The following CAMK1D variants were observed in gnomAD, a reference collection of about 807,000 sequenced individuals.
The protein encoded by CAMK1D is calcium/calmodulin dependent protein kinase ID, also known as calcium/calmodulin-dependent protein kinase type 1D.
Under a neutral mutation model 47.7 loss-of-function variants are expected in CAMK1D, and 9 were observed. The observed-to-expected ratio is 0.19, with a 90% CI of 0.11 to 0.33. CAMK1D has a LOEUF of 0.33. CAMK1D is among the 10% of genes least tolerant of loss of function. The pLI is 1.00. For missense variants in CAMK1D, 291 were observed against 488.7 expected, an observed-to-expected ratio of 0.60 and a Z score of 3.81; for synonymous variants, 184 against 184.9, an observed-to-expected ratio of 0.99 and a Z score of 0.04.
intron 1 of CAMK1D, among the ~76,000 whole-genome samples, chr10:12,390,274 A>G (rs1346245297): frequency 6.6e-6 from 1 of 152,030 alleles, no homozygotes; most frequent in Non-Finnish European, 1.5e-5. Flanking sequence ...GTCTTGCTCC[A>G]TTGCCTAGAC....
At chr10:12,429,540 A>G (rs1308828074) in intron 1 of CAMK1D, among the ~76,000 whole-genome samples, 1 of 152,004 alleles carries the variant, frequency 6.6e-6, no homozygotes, top group Non-Finnish European at 1.5e-5. Context: ...GGGTTTTACC[A>G]TATTGGCCAG....
intron 1 of CAMK1D, among the ~76,000 whole-genome samples, chr10:12,475,157 T>C (rs748729162): frequency 6.6e-6 from 1 of 152,180 alleles, no homozygotes; most frequent in Non-Finnish European, 1.5e-5. Context: ...AATCATCTTA[T>C]AATGTGCAGT....
chr10:12,440,972 G>A (rs2025833), intron 1 of CAMK1D, among the ~76,000 whole-genome samples: 44,566 of 152,142 alleles, frequency 0.29, 6,943 homozygotes, highest in South Asian at 0.37. Flanking sequence ...CCTGAAAGTC[G>A]GTCATAAGAC....
intron 2 of CAMK1D, among the ~76,000 whole-genome samples, chr10:12,564,957 C>T (rs1000660082): frequency 1.3e-5 from 2 of 152,112 alleles, no homozygotes; most frequent in African/African-American, 4.8e-5. Flanking sequence ...GCCTGTAGTC[C>T]CAGAACTTTG....
intron 10 of CAMK1D, among the ~76,000 whole-genome samples, chr10:12,827,652 T>TCTCTCCCCTCTCCC (rs1833305103): frequency 1.0e-4 from 1 of 9,968 alleles, no homozygotes; most frequent in Non-Finnish European, 5.5e-4. Context: ...TCCCCTCTCC[T>TCTCTCCCCTCTCCC]CTCTCCTCTC....
At chr10:12,425,770 T>C (rs1192090073) in intron 1 of CAMK1D, among the ~76,000 whole-genome samples, 1 of 152,236 alleles carries the variant, frequency 6.6e-6, no homozygotes, top group Non-Finnish European at 1.5e-5. Flanking sequence ...TTGATACATA[T>C]TTGTTGAACA....
At chr10:12,717,896 A>AG (rs1365686670) in intron 3 of CAMK1D, among the ~76,000 whole-genome samples, 1 of 151,570 alleles carries the variant, frequency 6.6e-6, no homozygotes, top group Non-Finnish European at 1.5e-5. Context: ...CCTGTCAAAA[A>AG]AAAAAAAAAA....
chr10:12,394,468 C>T (rs1213233152), intron 1 of CAMK1D, among the ~76,000 whole-genome samples: 1 of 152,198 alleles, frequency 6.6e-6, no homozygotes, highest in African/African-American at 2.4e-5. Flanking sequence ...TAACCAGCCC[C>T]CCTTTTCCAA....
At chr10:12,702,094 G>T (rs1245557782) in intron 3 of CAMK1D, among the ~76,000 whole-genome samples, 1 of 152,206 alleles carries the variant, frequency 6.6e-6, no homozygotes, top group African/African-American at 2.4e-5. Flanking sequence ...AGGGAGTGGG[G>T]GTGCTGGAAA....
chr10:12,779,403 A>C (rs1348492291), intron 5 of CAMK1D, among the ~76,000 whole-genome samples: 1 of 152,160 alleles, frequency 6.6e-6, no homozygotes, highest in Non-Finnish European at 1.5e-5. Flanking sequence ...AGAAACTTCT[A>C]TTTGGTGGAG....
At chr10:12,450,652 A>T (rs1247106494) in intron 1 of CAMK1D, among the ~76,000 whole-genome samples, 2 of 152,200 alleles carry the variant, frequency 1.3e-5, no homozygotes, top group African/African-American at 4.8e-5. Context: ...TCCTGGTCTG[A>T]GACCCAGCAG....
intron 1 of CAMK1D, among the ~76,000 whole-genome samples, chr10:12,356,308 G>A (rs979215213): frequency 6.6e-6 from 1 of 152,184 alleles, no homozygotes; most frequent in Admixed American, 6.5e-5. Context: ...TGGACGAACA[G>A]TTCATTTGGT....
At chr10:12,374,982 T>TG (rs1454727942) in intron 1 of CAMK1D, among the ~76,000 whole-genome samples, 5 of 147,356 alleles carry the variant, frequency 3.4e-5, no homozygotes, top group Admixed American at 2.1e-4. Flanking sequence ...TTTGTGGAGA[T>TG]GGGGGTCTCA....
chr10:12,405,702 C>T (rs1358367391), intron 1 of CAMK1D, among the ~76,000 whole-genome samples: 2 of 152,226 alleles, frequency 1.3e-5, no homozygotes, highest in Non-Finnish European at 2.9e-5. Flanking sequence ...GAGCCAGTAT[C>T]TATGAGACAG....
chr10:12,435,893 T>C (rs1029365796), intron 1 of CAMK1D, among the ~76,000 whole-genome samples: 1 of 152,336 alleles, frequency 6.6e-6, no homozygotes. Context: ...TCCTTGCATG[T>C]TCCTTTACAG....
chr10:12,371,983 A>G (rs891026126), intron 1 of CAMK1D, among the ~76,000 whole-genome samples: 4 of 152,236 alleles, frequency 2.6e-5, no homozygotes, highest in Middle Eastern at 3.4e-3. Flanking sequence ...AATCTTTTAC[A>G]TTGTATTTTC....
At position 12,620,212 on chromosome 10, in the gene CAMK1D, A is replaced by T. The variant is rs1018449286; in HGVS notation, c.225-46524A>T. 4.3e-4 allele frequency among the ~76,000 whole-genome samples: 63 copies of T among 146,352 alleles called. 1 individual carries two copies. Among genetic ancestry groups the T allele is most frequent in the East Asian group, 1.8e-3 (9 of 4,926 alleles). ...AAAAAAAAAAAAAAAAAAAAAAAAAAAAAAAATAAAGCTGCTATAAACGTC... is the reference window on the plus strand; with the variant it reads ...AAAAAAAAAAAAAAAAAAAAAAAAATAAAAAATAAAGCTGCTATAAACGTC... On this transcript the variant is annotated intron_variant, in intron 2 of 10. Coordinates refer to ENST00000619168, the MANE Select transcript of CAMK1D (RefSeq NM_153498.4).
At chr10:12,435,584 C>G (rs1832611183) in intron 1 of CAMK1D, among the ~76,000 whole-genome samples, 1 of 152,186 alleles carries the variant, frequency 6.6e-6, no homozygotes, top group African/African-American at 2.4e-5. Context: ...GTGAGACGTG[C>G]TCTGTGCCCA....
intron 1 of CAMK1D, among the ~76,000 whole-genome samples, chr10:12,498,783 A>C (rs1487537501): frequency 3.3e-5 from 5 of 152,204 alleles, no homozygotes; most frequent in African/African-American, 1.2e-4. Flanking sequence ...ACATCATCAC[A>C]GTCATTGTTG....
Sources: allele counts gnomAD v4.1 joint callset (sites outside exome capture counted in the v4.1 genomes callset), GRCh38; gene constraint gnomAD v4.1.1; transcripts MANE v1.5; gene names NCBI Gene and HGNC (gene_info 2026-07-23, HGNC 2026-07-21).